Variants in SLC16A10 observed in about 807,000 individuals in gnomAD.
The protein encoded by SLC16A10 is monocarboxylate transporter 10.
Under a neutral mutation model 40.0 loss-of-function variants are expected in SLC16A10, and 27 were observed. The observed-to-expected ratio is 0.67, with a 90% CI of 0.50 to 0.93. The LOEUF is 0.93. Ranked by LOEUF, SLC16A10 falls within the 40% of genes least tolerant of loss-of-function variation. The pLI, the probability that SLC16A10 is intolerant of heterozygous loss-of-function variation, is 0.00. For missense variants in SLC16A10, 529 were observed against 658.2 expected, an observed-to-expected ratio of 0.80 and a Z score of 2.15; for synonymous variants, 213 against 249.8, an observed-to-expected ratio of 0.85 and a Z score of 1.39.
intron 1 of SLC16A10, among the ~76,000 whole-genome samples, chr6:111,154,255 A>G (rs1453378103): frequency 6.6e-6 from 1 of 152,228 alleles, no homozygotes; most frequent in African/African-American, 2.4e-5. Flanking sequence ...ATGTGCATTA[A>G]TTTATATTAC....
intron 1 of SLC16A10, among the ~76,000 whole-genome samples, chr6:111,145,624 A>T (rs576679485): frequency 6.6e-6 from 1 of 151,882 alleles, no homozygotes; most frequent in Non-Finnish European, 1.5e-5. Flanking sequence ...TGAGACAAGA[A>T]GATTACTTGA....
intron 1 of SLC16A10, among the ~76,000 whole-genome samples, chr6:111,150,674 C>G (rs79900272): frequency 0.02 from 3,082 of 152,248 alleles, 100 homozygotes; most frequent in African/African-American, 0.069. Flanking sequence ...CCAGAGGGAG[C>G]TGATTGAGCA....
chr6:111,095,530 T>G (rs1269932191), intron 1 of SLC16A10, among the ~76,000 whole-genome samples: 2 of 152,202 alleles, frequency 1.3e-5, no homozygotes, highest in African/African-American at 4.8e-5. Flanking sequence ...ATGATCCATA[T>G]TTGTTAAAGT....
At chr6:111,092,145 G>A (rs1300341294) in intron 1 of SLC16A10, among the ~76,000 whole-genome samples, 4 of 152,002 alleles carry the variant, frequency 2.6e-5, no homozygotes, top group Non-Finnish European at 4.4e-5. Flanking sequence ...CTTTGGAAAG[G>A]GGAAGTAAGC....
chr6:111,190,875 G>A (rs1030855767), intron 3 of SLC16A10, among the ~76,000 whole-genome samples: 16 of 152,212 alleles, frequency 1.1e-4, no homozygotes, highest in African/African-American at 3.4e-4. Flanking sequence ...GAAGGGCTAC[G>A]TTGAAGGTCT....
intron 4 of SLC16A10, among the ~76,000 whole-genome samples, chr6:111,210,556 T>C (rs1773328728): frequency 6.6e-6 from 1 of 152,100 alleles, no homozygotes; most frequent in African/African-American, 2.4e-5. Flanking sequence ...TCAGATGCTG[T>C]TAGGGTGATG....
intron 1 of SLC16A10, among the ~76,000 whole-genome samples, chr6:111,171,660 A>G (rs542178655): frequency 2.6e-5 from 4 of 152,286 alleles, no homozygotes. Flanking sequence ...TACAAAAAGT[A>G]CAAAAATTAG....
intron 1 of SLC16A10, among the ~76,000 whole-genome samples, chr6:111,104,728 G>A (rs1218273995): frequency 6.6e-6 from 1 of 152,108 alleles, no homozygotes. Context: ...GAAAGAACAT[G>A]TATCTCTAAG....
intron 3 of SLC16A10, chr6:111,193,322 C>G: frequency 1.0e-6 from 1 of 985,758 alleles, no homozygotes; most frequent in Non-Finnish European, 1.2e-6. Flanking sequence ...TTTGACTGTT[C>G]AGGTTAGTGA....
intron 1 of SLC16A10, among the ~76,000 whole-genome samples, chr6:111,105,210 T>C (rs1771262243): frequency 1.3e-5 from 2 of 152,120 alleles, no homozygotes; most frequent in South Asian, 4.1e-4. Context: ...ATTTATGTAT[T>C]TTAAATTTAA....
intron 3 of SLC16A10, among the ~76,000 whole-genome samples, chr6:111,198,091 A>G (rs1485231027): frequency 6.6e-6 from 1 of 152,178 alleles, no homozygotes; most frequent in African/African-American, 2.4e-5. Flanking sequence ...GTTTGAGACC[A>G]GCACGGGCAA....
rs1335004550 is a variant in SLC16A10 at position 111,087,657 on chromosome 6, C to A, written c.-96C>A. ...GGCTCCGCCGCCCTCGCCTCGGCCT[C>A]GTTAGCCCGCCAGGAGCCCCGCAGC... is the stretch of plus-strand genomic sequence containing the variant. On this transcript the variant is annotated 5_prime_UTR_variant, in exon 1 of 6. Coordinates refer to ENST00000368851, the MANE Select transcript of SLC16A10 (RefSeq NM_018593.5). 1.4e-6 allele frequency: 1 copy of A among 721,166 alleles called. No homozygotes were observed. The highest frequency in any genetic ancestry group is 1.9e-6 in the Non-Finnish European group (1 of 536,468). 44.7% of individuals were successfully genotyped at this position (721,166 alleles called of 1,614,324 possible). A position where few individuals can be genotyped will look rare whatever the true frequency, so the allele number is the denominator to read the frequency against.
intron 1 of SLC16A10, among the ~76,000 whole-genome samples, chr6:111,162,997 T>C (rs1283940620): frequency 6.6e-6 from 1 of 152,008 alleles, no homozygotes; most frequent in East Asian, 1.9e-4. Flanking sequence ...CCTGTCAAAG[T>C]CCCATAGCTG....
intron 1 of SLC16A10, among the ~76,000 whole-genome samples, chr6:111,120,559 T>C (rs1165528538): frequency 6.6e-6 from 1 of 152,244 alleles, no homozygotes; most frequent in Non-Finnish European, 1.5e-5. Context: ...ATAAAATTGT[T>C]CTTTTAAACT....
intron 1 of SLC16A10, among the ~76,000 whole-genome samples, chr6:111,132,410 G>A (rs1771800369): frequency 1.3e-5 from 2 of 152,246 alleles, no homozygotes; most frequent in Middle Eastern, 3.4e-3. Context: ...TAAACAAGGG[G>A]GTAGCCCAAA....
intron 5 of SLC16A10, among the ~76,000 whole-genome samples, chr6:111,219,776 A>G (rs1308932232): frequency 6.6e-6 from 1 of 152,156 alleles, no homozygotes; most frequent in African/African-American, 2.4e-5. Context: ...AAGTGAAAGA[A>G]GCCAAACATA....
chr6:111,150,565 G>T (rs1772155714), intron 1 of SLC16A10, among the ~76,000 whole-genome samples: 1 of 152,180 alleles, frequency 6.6e-6, no homozygotes, highest in African/African-American at 2.4e-5. Context: ...AAGTGAGCTA[G>T]TTGGCTATAA....
chr6:111,143,139 G>C (rs1311344869), intron 1 of SLC16A10, among the ~76,000 whole-genome samples: 1 of 152,122 alleles, frequency 6.6e-6, no homozygotes, highest in East Asian at 1.9e-4. Flanking sequence ...GAATGCAGTG[G>C]CACAATTATG....
intron 1 of SLC16A10, among the ~76,000 whole-genome samples, chr6:111,096,011 T>A (rs1188101202): frequency 5.3e-5 from 8 of 152,208 alleles, no homozygotes; most frequent in Admixed American, 5.2e-4. Flanking sequence ...CATGGATAGA[T>A]AAGAAAGTTG....
Sources: gnomAD v4.1 joint callset for allele counts (sites outside exome capture counted in the v4.1 genomes callset) on GRCh38, gnomAD v4.1.1 for gene constraint, MANE v1.5 for transcripts, NCBI Gene and HGNC (gene_info 2026-07-23, HGNC 2026-07-21) for gene names.